Variants in IMMP2L observed in about 807,000 individuals in gnomAD.
IMMP2L encodes the protein inner mitochondrial membrane peptidase subunit 2, also known as mitochondrial inner membrane protease subunit 2.
In IMMP2L, 18 loss-of-function variants were observed where a neutral mutation model predicts 19.3. That is an observed-to-expected ratio of 0.93 (90% confidence interval 0.64 to 1.38). The LOEUF is 1.38. IMMP2L is among the 40% of genes most tolerant of loss of function. IMMP2L has a pLI of 0.00. For synonymous variants in IMMP2L, 76 were observed against 73.0 expected, an observed-to-expected ratio of 1.04 and a Z score of -0.21; for missense variants, 233 against 218.2, an observed-to-expected ratio of 1.07 and a Z score of -0.43.
chr7:111,226,919 T>A (rs1813170464), intron 3 of IMMP2L, among the ~76,000 whole-genome samples: 1 of 152,076 alleles, frequency 6.6e-6, no homozygotes, highest in Non-Finnish European at 1.5e-5. Flanking sequence ...TGAGCAAATT[T>A]ATTGTTCAAG....
At chr7:110,943,941 C>T (rs1816982357) in intron 4 of IMMP2L, among the ~76,000 whole-genome samples, 1 of 151,908 alleles carries the variant, frequency 6.6e-6, no homozygotes, top group Non-Finnish European at 1.5e-5. Context: ...AACTAATGTT[C>T]AGCAAATTAG....
intron 3 of IMMP2L, among the ~76,000 whole-genome samples, chr7:111,098,562 C>A (rs1797641759): frequency 6.6e-6 from 1 of 151,724 alleles, no homozygotes; most frequent in Admixed American, 6.6e-5. Flanking sequence ...CTTAGACAAT[C>A]CTTTACTGGC....
chr7:110,869,346 A>G (rs1198381493), intron 5 of IMMP2L, among the ~76,000 whole-genome samples: 1 of 152,146 alleles, frequency 6.6e-6, no homozygotes, highest in Non-Finnish European at 1.5e-5. Flanking sequence ...CATAAGTGCA[A>G]TAGTTGTAAA....
intron 5 of IMMP2L, among the ~76,000 whole-genome samples, chr7:110,861,449 T>C (rs1400074580): frequency 1.3e-5 from 2 of 151,850 alleles, no homozygotes. Context: ...ATGTTTTTTG[T>C]AGAGATGAGA....
intron 3 of IMMP2L, among the ~76,000 whole-genome samples, chr7:111,283,992 A>G (rs954800183): frequency 1.3e-5 from 2 of 150,846 alleles, no homozygotes; most frequent in African/African-American, 2.4e-5. Context: ...AAAAAAAAAA[A>G]AGAGACATGA....
At chr7:110,774,118 G>T (rs1445940276) in intron 5 of IMMP2L, among the ~76,000 whole-genome samples, 1 of 151,940 alleles carries the variant, frequency 6.6e-6, no homozygotes, top group Non-Finnish European at 1.5e-5. Context: ...ATATTGTATG[G>T]TATTTTATAG....
At chr7:111,197,549 A>G (rs1466566241) in intron 3 of IMMP2L, among the ~76,000 whole-genome samples, 1 of 152,184 alleles carries the variant, frequency 6.6e-6, no homozygotes. Flanking sequence ...TTATTTGATG[A>G]AGATATCTCC....
intron 3 of IMMP2L, among the ~76,000 whole-genome samples, chr7:110,968,480 C>A (rs1201464284): frequency 6.6e-6 from 1 of 151,994 alleles, no homozygotes; most frequent in Non-Finnish European, 1.5e-5. Context: ...CGAGACCAGC[C>A]TTGGGCAACA....
intron 3 of IMMP2L, among the ~76,000 whole-genome samples, chr7:111,398,618 T>C (rs1833109572): frequency 6.6e-6 from 1 of 152,014 alleles, no homozygotes; most frequent in African/African-American, 2.4e-5. Context: ...CTGGAAGTCC[T>C]AGACAGAGCA....
intron 3 of IMMP2L, among the ~76,000 whole-genome samples, chr7:111,200,909 T>C (rs1290544123): frequency 1.3e-5 from 2 of 152,196 alleles, no homozygotes; most frequent in Non-Finnish European, 2.9e-5. Flanking sequence ...ATTGTCATTG[T>C]TGCTTATTTT....
At position 111,385,250 on chromosome 7, in the gene IMMP2L, T is replaced by A. The variant is rs181272551; in HGVS notation, c.239+101988A>T. 2.0e-5 allele frequency among the ~76,000 whole-genome samples: 3 copies of A among 152,182 alleles called. No homozygotes were observed. In the East Asian group the frequency reaches 5.8e-4, roughly 29 times the overall value. On this transcript the variant is annotated intron_variant, in intron 3 of 5. Coordinates refer to ENST00000405709, the MANE Select transcript of IMMP2L (RefSeq NM_032549.4). ...TTTGAGCAAAAAGGGGGTAAGAAAG[T>A]CAAGTGGTTGGTACCCTAACCTGAA...
chr7:111,046,921 G>T (rs936067231), intron 3 of IMMP2L, among the ~76,000 whole-genome samples: 13 of 152,218 alleles, frequency 8.5e-5, no homozygotes, highest in African/African-American at 3.1e-4. Context: ...GCACTTATCA[G>T]ATAGGCATTA....
chr7:111,218,084 G>A (rs1812143641), intron 3 of IMMP2L, among the ~76,000 whole-genome samples: 1 of 151,370 alleles, frequency 6.6e-6, no homozygotes, highest in Non-Finnish European at 1.5e-5. Flanking sequence ...TGAATCCTAA[G>A]GAAAATAATA....
intron 3 of IMMP2L, among the ~76,000 whole-genome samples, chr7:111,081,541 C>T (rs1410677440): frequency 6.6e-6 from 1 of 152,172 alleles, no homozygotes; most frequent in Non-Finnish European, 1.5e-5. Context: ...AAGCTCTGGG[C>T]TATGAGTCCA....
chr7:111,435,951 C>T lies in IMMP2L; in HGVS notation c.239+51287G>A, dbSNP rs1012825037. ...TAGACAGCCAGCCTAGAATTTCCTC[C>T]GCATACTTCCTCTCTCCCAATCCCA... On this transcript the variant is annotated intron_variant, in intron 3 of 5. Transcript: ENST00000405709. Among the ~76,000 whole-genome samples the T allele has an allele frequency of 6.6e-5, 10 of 151,856 alleles. No individual in the cohort carries two copies. The South Asian group carries it at 1.0e-3, about 16-fold the overall frequency.
intron 5 of IMMP2L, among the ~76,000 whole-genome samples, chr7:110,705,643 T>C (rs368958698): frequency 1.9e-4 from 29 of 152,056 alleles, no homozygotes; most frequent in African/African-American, 5.3e-4. Flanking sequence ...GTGTATTGCA[T>C]GATGCTGAGG....
At chr7:111,160,894 T>C (rs1805187539) in intron 3 of IMMP2L, among the ~76,000 whole-genome samples, 3 of 151,340 alleles carry the variant, frequency 2.0e-5, no homozygotes, top group African/African-American at 7.3e-5. Flanking sequence ...GCCAAATAAA[T>C]ATTAGAAATT....
intron 3 of IMMP2L, among the ~76,000 whole-genome samples, chr7:111,087,231 C>G (rs1586174395): frequency 6.6e-6 from 1 of 152,000 alleles, no homozygotes; most frequent in South Asian, 2.1e-4. Flanking sequence ...GGGCTGATCA[C>G]GAGGTCAGGA....
intron 5 of IMMP2L, among the ~76,000 whole-genome samples, chr7:110,768,777 T>G (rs1798841505): frequency 6.6e-6 from 1 of 152,158 alleles, no homozygotes; most frequent in Non-Finnish European, 1.5e-5. Context: ...TATAGCGACA[T>G]GTTGTGATTG....
Sources: gnomAD v4.1 joint callset for allele counts (sites outside exome capture counted in the v4.1 genomes callset) on GRCh38, gnomAD v4.1.1 for gene constraint, MANE v1.5 for transcripts, NCBI Gene and HGNC (gene_info 2026-07-23, HGNC 2026-07-21) for gene names.